The following ANKH variants were observed in gnomAD, a reference collection of about 807,000 sequenced individuals.
The protein encoded by ANKH is mineralization regulator ANKH.
ANKH carries 15 observed loss-of-function variants against 49.0 expected under a neutral mutation model. The ratio of observed to expected loss-of-function variants is 0.31; its 90% confidence interval spans 0.20 to 0.47. The LOEUF (loss-of-function observed/expected upper bound fraction) is 0.47, where lower values mean the gene tolerates loss of function less well. Ranked by LOEUF, ANKH falls within the 20% of genes least tolerant of loss-of-function variation. The pLI is 1.00. For missense variants in ANKH, 429 were observed against 652.0 expected, an observed-to-expected ratio of 0.66 and a Z score of 3.72; for synonymous variants, 273 against 260.0, an observed-to-expected ratio of 1.05 and a Z score of -0.48.
At chr5:14,859,555 T>C (rs1384396336) in intron 1 of ANKH, among the ~76,000 whole-genome samples, 1 of 152,236 alleles carries the variant, frequency 6.6e-6, no homozygotes, top group Non-Finnish European at 1.5e-5. Context: ...AATATTAGGC[T>C]ATATTTTGCA....
rs749114598 is a variant in ANKH at position 14,713,615 on chromosome 5, G to A, written c.1194C>T (p.Phe398=). 27 of 1,614,106 alleles carry A rather than the reference G, an allele frequency of 1.7e-5. No homozygotes were observed. Among genetic ancestry groups the A allele is most frequent in the Non-Finnish European group, 2.2e-5 (26 of 1,180,040 alleles). The change falls in exon 10 of 12, where the codon TTC becomes TTT. Residue 398 remains phenylalanine, a synonymous_variant. Transcript: ENST00000284268. This position sits in a 1 kb window ranked among gnomAD's most constrained non-coding sequence, Gnocchi z 4.4. The stretch of plus-strand genomic sequence containing the variant: ...GCAGCACAGAGCTGGGGGCAAGGAC[G>A]AAGGTTTTCTTCAGTGTCATCAGCC... ...TGWLMTLKKT[F]VLAPSSVLRI...
At chr5:14,764,100 A>T (rs1022704528) in intron 2 of ANKH, among the ~76,000 whole-genome samples, 8 of 152,148 alleles carry the variant, frequency 5.3e-5, no homozygotes, top group African/African-American at 1.2e-4. Flanking sequence ...AAATAAAAAT[A>T]AAAAAAGTGA....
At chr5:14,731,481 A>G (rs1039337599) in intron 8 of ANKH, among the ~76,000 whole-genome samples, 3 of 152,182 alleles carry the variant, frequency 2.0e-5, no homozygotes, top group African/African-American at 7.2e-5. Flanking sequence ...TCCAAACCCC[A>G]GCTCTCTCTC....
chr5:14,782,068 G>A (rs915870926), intron 1 of ANKH, among the ~76,000 whole-genome samples: 1 of 152,064 alleles, frequency 6.6e-6, no homozygotes, highest in Non-Finnish European at 1.5e-5. Context: ...ACCCTAAGCA[G>A]CTCAGAATCT....
At chr5:14,754,577 A>G (rs1012331972) in intron 4 of ANKH, among the ~76,000 whole-genome samples, 5 of 152,104 alleles carry the variant, frequency 3.3e-5, no homozygotes, top group Admixed American at 6.5e-5. Flanking sequence ...GGTGGTTGCT[A>G]GTATTGCTAG....
intron 1 of ANKH, among the ~76,000 whole-genome samples, chr5:14,862,806 C>T (rs1735535625): frequency 6.6e-6 from 1 of 152,204 alleles, no homozygotes; most frequent in Admixed American, 6.5e-5. Context: ...CGAATACAGC[C>T]ATGCTTCCTT....
At chr5:14,804,658 G>A (rs1740652752) in intron 1 of ANKH, among the ~76,000 whole-genome samples, 1 of 152,198 alleles carries the variant, frequency 6.6e-6, no homozygotes, top group South Asian at 2.1e-4. Context: ...TGAAACCCCT[G>A]CTGACTTCTC....
At chr5:14,769,323 G>A (rs1739352500) in intron 1 of ANKH, 132 bp from the exon 2 acceptor site, 2 of 765,508 alleles carry the variant, frequency 2.6e-6, no homozygotes, top group Non-Finnish European at 4.4e-6. Context: ...TGCATCTCAT[G>A]TAATTGGATA....
chr5:14,725,640 G>A lies in ANKH; in HGVS notation c.1012-8805C>T, dbSNP rs1366403238. On this transcript the variant is annotated intron_variant, in intron 8 of 11. Transcript: ENST00000284268. This position sits in a 1 kb window ranked among gnomAD's most constrained non-coding sequence, Gnocchi z 4.0. ...TCCTGGGACCGTATTCTAACAAAAC[G>A]CTAGCAGGGGAGTCCTCTGGAGGTG... Among the ~76,000 whole-genome samples the A allele has an allele frequency of 2.6e-5, 4 of 152,246 alleles. No individual in the cohort carries two copies. Among genetic ancestry groups the A allele is most frequent in the African/African-American group, 4.8e-5 (2 of 41,468 alleles).
At position 14,725,164 on chromosome 5, in the gene ANKH, C is replaced by T. The variant is rs1240321394; in HGVS notation, c.1012-8329G>A. Among the ~76,000 whole-genome samples, 1 of 152,184 alleles carries T rather than the reference C, an allele frequency of 6.6e-6. No homozygotes were observed. Among genetic ancestry groups the T allele is most frequent in the Non-Finnish European group, 1.5e-5 (1 of 68,030 alleles). On this transcript the variant is annotated intron_variant, in intron 8 of 11. Transcript: ENST00000284268. The surrounding 1 kb of genome is among the most constrained non-coding windows in gnomAD (Gnocchi z 4.0). ...GGGCTTGGCACTGGCGCCTGACTGC[C>T]GGGCTGGCACTCCAACCCAGCTGTG...
intron 8 of ANKH, among the ~76,000 whole-genome samples, chr5:14,731,547 C>T (rs184739280): frequency 6.6e-6 from 1 of 152,312 alleles, no homozygotes; most frequent in Non-Finnish European, 1.5e-5. Context: ...GCAAACCCAG[C>T]CAAGTGGGAT....
Position 14,707,977 on chromosome 5 carries a change from G to C in ANKH, c.*3220C>G, listed in dbSNP as rs867654356. 6.6e-6 allele frequency: 1 copy of C among 152,156 alleles called. No individual in the cohort carries two copies. The highest frequency in any genetic ancestry group is 1.5e-5 in the Non-Finnish European group (1 of 68,040). The allele number at this position is 152,156 out of a possible 1,614,324, so 9.4% of individuals were successfully genotyped here. ...GTGCCCCATTTAAAGAATCCCAAAC[G>C]GGAGAGTTTCCTGCCAATGTGCAAA... On this transcript the variant is annotated 3_prime_UTR_variant, in exon 12 of 12. Coordinates refer to ENST00000284268, the MANE Select transcript of ANKH (RefSeq NM_054027.6).
chr5:14,793,034 A>ATATATATATAAATATATATAT (rs60884804), intron 1 of ANKH, among the ~76,000 whole-genome samples: 10 of 75,060 alleles, frequency 1.3e-4, no homozygotes, highest in Non-Finnish European at 2.5e-4. Context: ...ATATATATAT[A>ATATATATATAAATATATATAT]AAAATATATA....
At chr5:14,814,220 T>C (rs16903710) in intron 1 of ANKH, among the ~76,000 whole-genome samples, 19,234 of 152,276 alleles carry the variant, frequency 0.13, 1,622 homozygotes, top group East Asian at 0.44. Flanking sequence ...TTTATCTTTG[T>C]CTCCTCCACA....
intron 1 of ANKH, among the ~76,000 whole-genome samples, chr5:14,778,944 T>C (rs1193925936): frequency 6.6e-6 from 1 of 152,188 alleles, no homozygotes; most frequent in East Asian, 1.9e-4. Flanking sequence ...CCCTCTAGTC[T>C]TTCCCATTCC....
intron 1 of ANKH, among the ~76,000 whole-genome samples, chr5:14,777,882 A>T (rs931972448): frequency 1.3e-5 from 2 of 152,180 alleles, no homozygotes. Flanking sequence ...CGGCCACAGT[A>T]ACAGAGTGGT....
At chr5:14,753,821 A>C (rs959888074) in intron 4 of ANKH, among the ~76,000 whole-genome samples, 8 of 151,442 alleles carry the variant, frequency 5.3e-5, no homozygotes, top group Non-Finnish European at 7.4e-5. Context: ...AAAACAAAAA[A>C]CCCCCCTCGA....
In ANKH at chr5:14,871,266, A is replaced by G. The variant is rs1170267793; in HGVS notation, c.96+86T>C. On this transcript the variant is annotated intron_variant, in intron 1 of 11. Transcript: ENST00000284268. ...TGTTTCAGGATAAAGAGGGACTCGG[A>G]GCAGGTGACTCCCCTCCGCCCCCGT... is the stretch of plus-strand genomic sequence containing the variant. 2.6e-6 allele frequency: 3 copies of G among 1,170,324 alleles called. No individual in the cohort carries two copies. In the Admixed American group the frequency reaches 5.7e-5, roughly 22 times the overall value. 72.5% of individuals were successfully genotyped at this position (1,170,324 alleles called of 1,614,324 possible).
At chr5:14,753,666 T>C (rs1464632289) in intron 4 of ANKH, among the ~76,000 whole-genome samples, 1 of 152,160 alleles carries the variant, frequency 6.6e-6, no homozygotes, top group Non-Finnish European at 1.5e-5. Flanking sequence ...TTTCCACGAA[T>C]CCCTTGGCAA....
Sources: allele counts gnomAD v4.1 joint callset (sites outside exome capture counted in the v4.1 genomes callset), GRCh38; gene constraint gnomAD v4.1.1; non-coding constraint Gnocchi (gnomAD v3.1); transcripts MANE v1.5; gene names NCBI Gene and HGNC (gene_info 2026-07-23, HGNC 2026-07-21).